Variants in KCTD1 observed in about 807,000 individuals in gnomAD.
KCTD1 encodes the protein potassium channel tetramerization domain containing 1.
Under a neutral mutation model 66.0 loss-of-function variants are expected in KCTD1, and 24 were observed. That is an observed-to-expected ratio of 0.36 (90% confidence interval 0.26 to 0.51). The LOEUF (loss-of-function observed/expected upper bound fraction) is 0.51. KCTD1 is among the 20% of genes least tolerant of loss of function. The pLI, the probability that KCTD1 is intolerant of heterozygous loss-of-function variation, is 0.95. For synonymous variants in KCTD1, 511 were observed against 517.2 expected, an observed-to-expected ratio of 0.99 and a Z score of 0.16; for missense variants, 943 against 1,205.2, an observed-to-expected ratio of 0.78 and a Z score of 3.22.
intron 1 of KCTD1, among the ~76,000 whole-genome samples, chr18:26,593,526 AAGGAGAAGGAGGAGGAAGAAGACG>A (rs879834485): frequency 0.23 from 26,878 of 117,142 alleles, 3,176 homozygotes; most frequent in East Asian, 0.35. Flanking sequence ...GGAAGAAGAC[AAGGAGAAGGAGGAGGAAGAAGACG>A]AGGAGGAGGA....
chr18:26,535,856 G>C (rs1040113159), intron 1 of KCTD1, among the ~76,000 whole-genome samples: 1 of 149,130 alleles, frequency 6.7e-6, no homozygotes, highest in African/African-American at 2.5e-5. Context: ...TGGGTATGAT[G>C]AAAGTTCCTA....
chr18:26,501,376 G>T, intron 1 of KCTD1, 126 bp from the exon 2 acceptor site: 2 of 788,560 alleles, frequency 2.5e-6, no homozygotes, highest in Non-Finnish European at 3.9e-6. Context: ...TGAAAAACCG[G>T]CAAGCTCTTG....
intron 1 of KCTD1, among the ~76,000 whole-genome samples, chr18:26,596,380 T>C (rs2578362): frequency 0.25 from 37,470 of 152,104 alleles, 4,767 homozygotes; most frequent in East Asian, 0.34. Flanking sequence ...AGAAAGTGAA[T>C]CCTGCAGGAC....
intron 1 of KCTD1, among the ~76,000 whole-genome samples, chr18:26,502,374 G>T (rs1263685136): frequency 2.6e-5 from 4 of 152,092 alleles, no homozygotes; most frequent in Admixed American, 2.0e-4. Flanking sequence ...TATATTTGTT[G>T]TAGAAACAGG....
In KCTD1 at chr18:26,455,632, C is replaced by A; in HGVS notation, c.*111G>T. 1 of 1,372,850 alleles carries A rather than the reference C, an allele frequency of 7.3e-7. No homozygotes were observed. The highest frequency in any genetic ancestry group is 1.0e-6 in the Non-Finnish European group (1 of 983,582). The allele number at this position is 1,372,850 out of a possible 1,614,324, so 85.0% of individuals were successfully genotyped here. A position where few individuals can be genotyped will look rare whatever the true frequency, so the allele number is the denominator to read the frequency against. ...ATTGGATATAAATGTGTCTTTTATT[C>A]GATTTTACGTCCAGGACTTGGTTTG... On this transcript the variant is annotated 3_prime_UTR_variant, in exon 5 of 5. Transcript: ENST00000580059.
At chr18:26,590,878 T>C (rs947028706) in intron 1 of KCTD1, among the ~76,000 whole-genome samples, 5 of 152,176 alleles carry the variant, frequency 3.3e-5, no homozygotes, top group Non-Finnish European at 7.4e-5. Context: ...TAAAAACTAA[T>C]AATTTTTTTC....
rs753360089 is a variant in KCTD1, at chr18:26,501,225, G to A, written c.1835C>T (p.Pro612Leu). 6.2e-7 allele frequency: 1 copy of A among 1,614,092 alleles called. No individual in the cohort carries two copies. The highest frequency in any genetic ancestry group is 2.2e-5 in the East Asian group (1 of 44,888). ...AGATGCAGGGGATCTAGTGATCAGA[G>A]GTCTTGACATATTGGGCCGACTGTC... ...TQDSRPNMSRPLITRSPASPL... is the reference protein window; with the variant it reads ...TQDSRPNMSRLLITRSPASPL... Residue 612 changes from proline to leucine, a missense_variant, in exon 2 of 5, where the codon CCT becomes CTT. Physicochemically the swap from Pro to Leu is moderately conservative, Grantham distance 98. This residue lies in a region of KCTD1 where 41 missense variants were observed against 103.8 expected (regional missense o/e 0.39). Coordinates refer to ENST00000580059, the MANE Select transcript of KCTD1 (RefSeq NM_001142730.3).
intron 2 of KCTD1, among the ~76,000 whole-genome samples, chr18:26,491,346 A>G (rs529237924): frequency 4.9e-4 from 74 of 152,268 alleles, no homozygotes; most frequent in African/African-American, 1.8e-3. Context: ...CGGTGGGCAC[A>G]CAGTGCAAGG....
At chr18:26,515,508 T>TC (rs1168584317) in intron 1 of KCTD1, among the ~76,000 whole-genome samples, 28 of 110,770 alleles carry the variant, frequency 2.5e-4, no homozygotes, top group Non-Finnish European at 5.7e-5. Flanking sequence ...GCCTCTTTTT[T>TC]CTTTTTTTTT....
At chr18:26,600,438 ACT>A in intron 1 of KCTD1, 1 of 708,734 alleles carries the variant, frequency 1.4e-6, no homozygotes, top group South Asian at 1.7e-5. Flanking sequence ...GGATTTGTTC[ACT>A]CTGAGATCTA....
intron 1 of KCTD1, among the ~76,000 whole-genome samples, chr18:26,530,730 G>A (rs1186405777): frequency 6.6e-6 from 1 of 152,238 alleles, no homozygotes; most frequent in Non-Finnish European, 1.5e-5. Flanking sequence ...GTCTGACCCT[G>A]CAGAGAACAG....
chr18:26,614,802 GA>G (rs1987213826), intron 1 of KCTD1, among the ~76,000 whole-genome samples: 1 of 152,180 alleles, frequency 6.6e-6, no homozygotes, highest in South Asian at 2.1e-4. Flanking sequence ...TTAACGTGGT[GA>G]CCTACACTTA....
chr18:26,539,044 C>T (rs1162376203), intron 1 of KCTD1, among the ~76,000 whole-genome samples: 2 of 152,198 alleles, frequency 1.3e-5, no homozygotes, highest in Non-Finnish European at 2.9e-5. Context: ...CAGAAAGCAT[C>T]ACAGGTAATA....
chr18:26,508,703 ATATATT>A (rs1180764428), intron 1 of KCTD1, among the ~76,000 whole-genome samples: 2 of 148,062 alleles, frequency 1.4e-5, no homozygotes, highest in Non-Finnish European at 1.5e-5. Flanking sequence ...CTGGATTTAA[ATATATT>A]TCTCTCTCTC....
upstream of KCTD1, among the ~76,000 whole-genome samples, chr18:26,552,658 T>C (rs78010813): frequency 0.015 from 2,215 of 152,298 alleles, 60 homozygotes; most frequent in African/African-American, 0.051. Context: ...CTTTAGAAAC[T>C]TATTGCAGAA....
rs57856118 is a variant in KCTD1, at chr18:26,647,519, C to CAAAAAAAAAAAAAAAAAAAAAAAA, written c.9+9817_9+9840dup. ...TGGGAAACAGAGTGAGACTCCATCT[C>CAAAAAAAAAAAAAAAAAAAAAAAA]AAAAAAAAAAAAAAAAAAAAAAAAA... On this transcript the variant is annotated intron_variant, in intron 1 of 4. Transcript: ENST00000580191. Among the ~76,000 whole-genome samples, 14 of 57,318 alleles carry CAAAAAAAAAAAAAAAAAAAAAAAA rather than the reference C, an allele frequency of 2.4e-4. 1 individual carries two copies. The East Asian group carries it at 3.0e-3, about 12-fold the overall frequency. 37.6% of individuals were successfully genotyped at this position (57,318 alleles called of 152,430 possible). A position where few individuals can be genotyped will look rare whatever the true frequency, so the allele number is the denominator to read the frequency against.
chr18:26,465,073 A>T (rs904598273), intron 3 of KCTD1, among the ~76,000 whole-genome samples: 4 of 151,310 alleles, frequency 2.6e-5, no homozygotes, highest in African/African-American at 4.9e-5. Context: ...GCCTTGTAAT[A>T]CTCCTTTGGG....
At chr18:26,515,824 C>A (rs1355955435) in intron 1 of KCTD1, among the ~76,000 whole-genome samples, 2 of 152,090 alleles carry the variant, frequency 1.3e-5, no homozygotes, top group African/African-American at 4.8e-5. Flanking sequence ...ACAGGCCTTT[C>A]ATTTACCTGT....
chr18:26,629,152 G>C, exon 1 of KCTD1: 1 of 984,236 alleles, frequency 1.0e-6, no homozygotes, highest in South Asian at 4.7e-5. Flanking sequence ...CTTACTTTTG[G>C]TGATGGATTT....
Sources: gnomAD v4.1 joint callset for allele counts (sites outside exome capture counted in the v4.1 genomes callset) on GRCh38, gnomAD v4.1.1 for gene constraint, gnomAD v4.1.1 regional missense constraint, MANE v1.5 for transcripts, NCBI Gene and HGNC (gene_info 2026-07-23, HGNC 2026-07-21) for gene names.